PRKG1: variants seen among roughly 807,000 people sequenced by gnomAD.
PRKG1 encodes protein kinase cGMP-dependent 1, also known as cGMP-dependent protein kinase 1.
A neutral mutation model predicts 88.1 loss-of-function variants in PRKG1; 35 were observed. The observed-to-expected ratio is 0.40, with a 90% CI of 0.30 to 0.53. The LOEUF (loss-of-function observed/expected upper bound fraction) is 0.53, where lower values mean the gene tolerates loss of function less well. Among genes scored for constraint, PRKG1 ranks in the 20% least tolerant of loss-of-function variants. PRKG1 has a pLI of 0.59. For synonymous variants in PRKG1, 303 were observed against 292.5 expected (o/e 1.04, Z -0.37); for missense variants, 540 against 839.8 (o/e 0.64, Z 4.41).
In PRKG1 at chr10:51,668,447, G is replaced by A. The variant is rs1301630719; in HGVS notation, c.593-136138G>A. ...TTTTGAGACAGGGTCTTGTTCTGTT[G>A]CCCAGGCTGGAAGGCACTGGTTCTA... On this transcript the variant is annotated intron_variant, in intron 3 of 17. Transcript: ENST00000373980. Among the ~76,000 whole-genome samples, 3 of 152,126 alleles carry A rather than the reference G, an allele frequency of 2.0e-5. No homozygotes were observed. The East Asian group carries it at 5.8e-4, about 29-fold the overall frequency.
chr10:51,278,759 C>A (rs1208243770), intron 2 of PRKG1, among the ~76,000 whole-genome samples: 1 of 152,150 alleles, frequency 6.6e-6, no homozygotes, highest in Non-Finnish European at 1.5e-5. Flanking sequence ...TTATAGTATT[C>A]TCTGATGGTA....
chr10:52,183,913 T>C (rs1309823455), intron 9 of PRKG1, among the ~76,000 whole-genome samples: 1 of 152,194 alleles, frequency 6.6e-6, no homozygotes, highest in African/African-American at 2.4e-5. Context: ...GGGCTGCTAG[T>C]GTTCTTCCAT....
In PRKG1 at chr10:52,280,806, C is replaced by T; in HGVS notation, c.1421C>T (p.Ser474Phe). The change falls in exon 13 of 18, where the codon TCT (serine) becomes TTT (phenylalanine). Residue 474 changes from serine to phenylalanine, a missense_variant. Around this residue, in one of 5 missense-constraint regions of PRKG1, gnomAD observed 400 missense variants for 562.7 expected, o/e 0.71. Coordinates refer to ENST00000373980, the MANE Select transcript of PRKG1 (RefSeq NM_006258.4). ...CACCTCAGAGGTTCGTTTGAAGATT[C>T]TACAACCAGATTTTACACAGCATGT... ...ILRDRGSFEDSTTRFYTACVV... is the reference protein window; with the variant it reads ...ILRDRGSFEDFTTRFYTACVV... 2.5e-6 allele frequency: 4 copies of T among 1,612,982 alleles called. No homozygotes were observed. Among genetic ancestry groups the T allele is most frequent in the Non-Finnish European group, 3.4e-6 (4 of 1,179,394 alleles).
At chr10:51,162,554 C>G (rs913023048) in intron 2 of PRKG1, among the ~76,000 whole-genome samples, 3 of 151,898 alleles carry the variant, frequency 2.0e-5, no homozygotes, top group African/African-American at 7.3e-5. Context: ...TTTAAAATAC[C>G]AAGGAATTAT....
intron 7 of PRKG1, among the ~76,000 whole-genome samples, chr10:52,064,284 C>T (rs1294708005): frequency 6.6e-6 from 1 of 152,236 alleles, no homozygotes; most frequent in Non-Finnish European, 1.5e-5. Context: ...GCCAGCACTG[C>T]CCTGAGCATG....
In PRKG1 at chr10:51,537,755, G is replaced by A. The variant is rs867807266; in HGVS notation, c.592+69919G>A. ...AAAAAAAAAAAAAAAAAAATTACTC[G>A]GGGAGCTTTTAAAACATGCCAGTGC... On this transcript the variant is annotated intron_variant, in intron 3 of 17. Transcript: ENST00000373980. 8.1e-5 allele frequency among the ~76,000 whole-genome samples: 12 copies of A among 148,366 alleles called. 1 individual carries two copies. The highest frequency in any genetic ancestry group is 7.5e-4 in the Admixed American group (11 of 14,744).
chr10:51,318,648 A>G (rs1254109269), intron 2 of PRKG1, among the ~76,000 whole-genome samples: 1 of 152,164 alleles, frequency 6.6e-6, no homozygotes, highest in Non-Finnish European at 1.5e-5. Context: ...AGGACAAGAA[A>G]TCAAGACACC....
intron 5 of PRKG1, among the ~76,000 whole-genome samples, chr10:51,933,686 C>T (rs145528239): frequency 3.3e-5 from 5 of 151,578 alleles, no homozygotes; most frequent in Non-Finnish European, 7.4e-5. Context: ...TAGGTTTTCT[C>T]TAGTAAATAA....
intron 4 of PRKG1, among the ~76,000 whole-genome samples, chr10:51,861,668 T>C (rs545892572): frequency 1.2e-3 from 182 of 152,332 alleles, no homozygotes; most frequent in African/African-American, 4.3e-3. Context: ...GAACATATAC[T>C]TCTTACTTTA....
intron 4 of PRKG1, among the ~76,000 whole-genome samples, chr10:51,827,020 A>G (rs1839896468): frequency 6.6e-6 from 1 of 152,190 alleles, no homozygotes; most frequent in South Asian, 2.1e-4. Flanking sequence ...ACTAAAAGAA[A>G]CAATTAGTTT....
chr10:51,270,121 G>A lies in PRKG1; in HGVS notation c.478+116791G>A, dbSNP rs116133569. Among the ~76,000 whole-genome samples the A allele has an allele frequency of 3.0e-3, 458 of 152,120 alleles. 3 individuals carry two copies. The highest frequency in any genetic ancestry group is 0.01 in the African/African-American group (431 of 41,474). On this transcript the variant is annotated intron_variant, in intron 2 of 17. Transcript: ENST00000373980. ...TCCTTGGCATTCTTGTTTGTTGATAGCTTATGCTTGTAGAAGGGGAGACTA... is the reference window on the plus strand; with the variant it reads ...TCCTTGGCATTCTTGTTTGTTGATAACTTATGCTTGTAGAAGGGGAGACTA...
chr10:50,999,166 G>A (rs1425419332), intron 1 of PRKG1, among the ~76,000 whole-genome samples: 4 of 152,256 alleles, frequency 2.6e-5, no homozygotes, highest in Admixed American at 1.3e-4. Flanking sequence ...TGTGCTAGCC[G>A]CATCTTCAAC....
chr10:51,530,781 C>T (rs574484582), intron 3 of PRKG1, among the ~76,000 whole-genome samples: 94 of 152,280 alleles, frequency 6.2e-4, no homozygotes, highest in African/African-American at 2.1e-3. Flanking sequence ...ACCTTCCACC[C>T]ACCCCAAGAA....
intron 2 of PRKG1, among the ~76,000 whole-genome samples, chr10:51,326,339 C>T (rs183282507): frequency 1.8e-4 from 27 of 152,260 alleles, no homozygotes; most frequent in Non-Finnish European, 2.2e-4. Context: ...TTTGAGATAA[C>T]GGAGTTATAG....
chr10:51,085,795 A>C (rs1292803353), intron 1 of PRKG1, among the ~76,000 whole-genome samples: 1 of 152,176 alleles, frequency 6.6e-6, no homozygotes, highest in Non-Finnish European at 1.5e-5. Context: ...TAGCTTTATA[A>C]AAATGTAATG....
intron 9 of PRKG1, among the ~76,000 whole-genome samples, chr10:52,186,088 G>C (rs1839194157): frequency 6.6e-6 from 1 of 152,126 alleles, no homozygotes; most frequent in Non-Finnish European, 1.5e-5. Context: ...GGCCACTTTT[G>C]CATTGCTATA....
chr10:52,212,292 A>G (rs1436255435), intron 9 of PRKG1, among the ~76,000 whole-genome samples: 2 of 152,214 alleles, frequency 1.3e-5, no homozygotes, highest in African/African-American at 2.4e-5. Context: ...GCTCTGACTG[A>G]TAGAAAAGTA....
intron 2 of PRKG1, among the ~76,000 whole-genome samples, chr10:51,399,805 C>T (rs1003207199): frequency 2.0e-5 from 3 of 152,034 alleles, no homozygotes; most frequent in South Asian, 2.1e-4. Context: ...AGCACAACAG[C>T]GGAAATGGTG....
At chr10:51,698,713 G>A (rs1340663438) in intron 3 of PRKG1, 4 of 1,614,234 alleles carry the variant, frequency 2.5e-6, no homozygotes, top group Non-Finnish European at 3.4e-6. Flanking sequence ...CAGGAGTTAA[G>A]GAACCAGGAC....
Sources: allele counts gnomAD v4.1 joint callset (sites outside exome capture counted in the v4.1 genomes callset), GRCh38; gene constraint gnomAD v4.1.1; regional missense constraint gnomAD v4.1.1; transcripts MANE v1.5; gene names NCBI Gene and HGNC (gene_info 2026-07-23, HGNC 2026-07-21).